Variants in MYO6 observed in about 807,000 individuals in gnomAD.
The protein encoded by MYO6 is myosin VI.
Under a neutral mutation model 178.7 loss-of-function variants are expected in MYO6, and 74 were observed. The observed-to-expected ratio is 0.41, with a 90% CI of 0.34 to 0.50. The LOEUF (loss-of-function observed/expected upper bound fraction) is 0.50. Ranked by LOEUF, MYO6 falls within the 20% of genes least tolerant of loss-of-function variation. MYO6 has a pLI of 0.09. For missense variants in MYO6, 1,330 were observed against 1,547.4 expected (o/e 0.86, Z 2.36); for synonymous variants, 477 against 504.6 (o/e 0.95, Z 0.73).
At position 75,881,777 on chromosome 6, in the gene MYO6, G is replaced by A. The variant is rs781458857; in HGVS notation, c.2375G>A (p.Arg792His). 3.7e-6 allele frequency: 6 copies of A among 1,613,876 alleles called. No homozygotes were observed. The highest frequency in any genetic ancestry group is 5.1e-6 in the Non-Finnish European group (6 of 1,179,850). The change falls in exon 23 of 35, where the codon CGC (arginine) becomes CAC (histidine). Residue 792 changes from arginine (R) to histidine (H), a missense_variant. By Grantham distance (29) the Arg-to-His change is conservative. Around this residue, in one of 3 missense-constraint regions of MYO6, gnomAD observed 601 missense variants for 626.1 expected, o/e 0.96. Transcript: ENST00000369977. ...KRVNHWLTCSRWKKVQWCSLS... is the reference protein window; with the variant it reads ...KRVNHWLTCSHWKKVQWCSLS... ...GTCAATCACTGGCTCACATGCAGTC[G>A]CTGGAAGAAAGTTCAGTGGTGCTCA...
chr6:75,860,935 A>G, intron 14 of MYO6, 88 bp from the exon 15 acceptor site: 1 of 1,009,714 alleles, frequency 9.9e-7, no homozygotes, highest in Non-Finnish European at 1.6e-6. Context: ...TTTGCATTCT[A>G]ATTAGCAAAT....
chr6:75,775,303 C>CG (rs1469263504), intron 1 of MYO6, among the ~76,000 whole-genome samples: 6 of 152,104 alleles, frequency 3.9e-5, no homozygotes, highest in Non-Finnish European at 7.4e-5. Context: ...CAAATTCTTC[C>CG]ATAGCAGGCA....
intron 1 of MYO6, among the ~76,000 whole-genome samples, chr6:75,782,518 A>G (rs1767088740): frequency 6.6e-6 from 1 of 152,158 alleles, no homozygotes; most frequent in Admixed American, 6.5e-5. Flanking sequence ...GAGTCATTTC[A>G]TATGGTGATT....
chr6:75,822,499 A>T (rs1771994023), intron 2 of MYO6, among the ~76,000 whole-genome samples: 1 of 139,018 alleles, frequency 7.2e-6, no homozygotes, highest in Admixed American at 8.0e-5. Flanking sequence ...TTTAATATTA[A>T]TATACCTCTT....
At chr6:75,834,717 G>A (rs905753558) in intron 6 of MYO6, among the ~76,000 whole-genome samples, 1 of 151,818 alleles carries the variant, frequency 6.6e-6, no homozygotes, top group Non-Finnish European at 1.5e-5. Context: ...CTGCATAGTG[G>A]TACTATGAAA....
chr6:75,828,473 A>G, intron 3 of MYO6, 67 bp from the exon 4 acceptor site: 1 of 949,838 alleles, frequency 1.1e-6, no homozygotes, highest in South Asian at 1.3e-5. Flanking sequence ...ATTCAGATTA[A>G]GATAGTATTG....
chr6:75,879,507 G>A lies in MYO6; in HGVS notation c.2078-313G>A, dbSNP rs139222118. ...CCTAGGCTCAAGCAGTTTGCCTGGC[G>A]TGGCCTCCCAAAGTACTGGGATTAT... On this transcript the variant is annotated intron_variant, in intron 20 of 34. Coordinates refer to ENST00000369977, the MANE Select transcript of MYO6 (RefSeq NM_004999.4). 9.9e-3 allele frequency among the ~76,000 whole-genome samples: 1,491 copies of A among 150,694 alleles called. 24 individuals carry two copies. The highest frequency in any genetic ancestry group is 0.034 in the African/African-American group (1,404 of 40,976).
Position 75,918,108 on chromosome 6 carries a change from T to C in MYO6, c.*3096T>C, listed in dbSNP as rs796277285. On this transcript the variant is annotated 3_prime_UTR_variant, in exon 35 of 35. Coordinates refer to ENST00000369977, the MANE Select transcript of MYO6 (RefSeq NM_004999.4). ...ACAAAAAGAACCAAAACAAACACTT[T>C]TTAGTGGCACCTGTGGATTTACAAA... 12 of 152,232 alleles carry C rather than the reference T, an allele frequency of 7.9e-5. No homozygotes were observed. The highest frequency in any genetic ancestry group is 2.9e-4 in the African/African-American group (12 of 41,460). 9.4% of individuals were successfully genotyped at this position (152,232 alleles called of 1,614,324 possible).
chr6:75,883,774 C>T (rs887668107), intron 23 of MYO6, among the ~76,000 whole-genome samples: 1 of 152,136 alleles, frequency 6.6e-6, no homozygotes, highest in Admixed American at 6.5e-5. Context: ...ATTACATTTA[C>T]AGTTGCCCCT....
At chr6:75,802,667 G>T (rs1465680924) in intron 1 of MYO6, among the ~76,000 whole-genome samples, 1 of 151,618 alleles carries the variant, frequency 6.6e-6, no homozygotes, top group Non-Finnish European at 1.5e-5. Flanking sequence ...TGTATTTTTT[G>T]TAGAGACAGG....
intron 1 of MYO6, among the ~76,000 whole-genome samples, chr6:75,757,919 C>T (rs558992456): frequency 1.5e-4 from 22 of 146,630 alleles, no homozygotes; most frequent in Non-Finnish European, 1.3e-4. Flanking sequence ...GAATTTTCAT[C>T]GAAAAGCAAG....
intron 1 of MYO6, among the ~76,000 whole-genome samples, chr6:75,790,265 A>G (rs1768089849): frequency 6.6e-6 from 1 of 152,218 alleles, no homozygotes; most frequent in African/African-American, 2.4e-5. Flanking sequence ...AAACTACTAT[A>G]CCAATTTAAA....
At chr6:75,838,265 C>T (rs550609981) in intron 7 of MYO6, among the ~76,000 whole-genome samples, 1 of 152,070 alleles carries the variant, frequency 6.6e-6, no homozygotes, top group African/African-American at 2.4e-5. Context: ...CCATGTTGGG[C>T]AGGCTGGTCT....
At chr6:75,877,329 C>T (rs1777644995) in intron 20 of MYO6, among the ~76,000 whole-genome samples, 1 of 150,424 alleles carries the variant, frequency 6.6e-6, no homozygotes, top group Non-Finnish European at 1.5e-5. Flanking sequence ...TGCAGTGGTA[C>T]AATCTTGGCT....
chr6:75,878,848 A>G (rs1460669904), intron 20 of MYO6, among the ~76,000 whole-genome samples: 1 of 152,236 alleles, frequency 6.6e-6, no homozygotes, highest in East Asian at 1.9e-4. Context: ...GGCATCACTT[A>G]TAGCTCAGCC....
chr6:75,866,387 C>A (rs1776695470), intron 16 of MYO6, 139 bp from the exon 17 acceptor site: 3 of 625,430 alleles, frequency 4.8e-6, no homozygotes, highest in Non-Finnish European at 5.7e-6. Flanking sequence ...ATACTCAATA[C>A]ATAAAAGCAG....
intron 1 of MYO6, among the ~76,000 whole-genome samples, chr6:75,769,772 T>C (rs6907476): frequency 0.32 from 48,550 of 152,126 alleles, 12,190 homozygotes; most frequent in African/African-American, 0.69. Flanking sequence ...TGGTGGCACA[T>C]GCCTGTAATC....
chr6:75,830,561 T>C lies in MYO6; in HGVS notation c.391+16T>C, dbSNP rs777832192. ...TTTGCAATTGGTAAGTGATTTTAAA[T>C]GTATTTTAATTCTTGTCTTTCTTTA... is the stretch of plus-strand genomic sequence containing the variant. On this transcript the variant is annotated intron_variant, in intron 5 of 34. Transcript: ENST00000369977. 6.2e-7 allele frequency: 1 copy of C among 1,606,600 alleles called. No homozygotes were observed. Among genetic ancestry groups the C allele is most frequent in the South Asian group, 1.1e-5 (1 of 90,780 alleles).
chr6:75,755,064 C>T lies in MYO6; in HGVS notation c.-48+5641C>T, dbSNP rs536561399. Among the ~76,000 whole-genome samples, 12 of 152,056 alleles carry T rather than the reference C, an allele frequency of 7.9e-5. No individual in the cohort carries two copies. The East Asian group carries it at 1.7e-3, about 22-fold the overall frequency. ...TGGGCAACATGGTGAAACCCTTTCACAAAAAATATTATACAAAAATTAGCT... is the reference window on the plus strand; with the variant it reads ...TGGGCAACATGGTGAAACCCTTTCATAAAAAATATTATACAAAAATTAGCT... On this transcript the variant is annotated intron_variant, in intron 1 of 34. Coordinates refer to ENST00000369977, the MANE Select transcript of MYO6 (RefSeq NM_004999.4).
Sources: allele counts gnomAD v4.1 joint callset (sites outside exome capture counted in the v4.1 genomes callset), GRCh38; gene constraint gnomAD v4.1.1; regional missense constraint gnomAD v4.1.1; transcripts MANE v1.5; gene names NCBI Gene and HGNC (gene_info 2026-07-23, HGNC 2026-07-21).